The following ZNF277 variants were observed in gnomAD, a reference collection of about 807,000 sequenced individuals.
ZNF277 encodes nuclear receptor-interacting factor 4.
ZNF277 carries 55 observed loss-of-function variants against 60.7 expected under a neutral mutation model. That is an observed-to-expected ratio of 0.91 (90% CI 0.73 to 1.13). The LOEUF is 1.13. Ranked by LOEUF, ZNF277 falls within the 50% of genes most tolerant of loss-of-function variation. ZNF277 has a pLI of 0.00. For missense variants in ZNF277, 510 were observed against 523.0 expected (o/e 0.98, Z 0.24); for synonymous variants, 178 against 179.3 (o/e 0.99, Z 0.06).
chr7:112,270,686 T>C, intron 1 of ZNF277, among the ~76,000 whole-genome samples: 1 of 152,212 alleles, frequency 6.6e-6, no homozygotes, highest in East Asian at 1.9e-4. Flanking sequence ...ATAATATCTA[T>C]CACAAAATAT....
chr7:112,263,916 C>G (rs567368518), intron 1 of ZNF277, among the ~76,000 whole-genome samples: 25 of 152,096 alleles, frequency 1.6e-4, no homozygotes, highest in Non-Finnish European at 2.4e-4. Context: ...AAAGTTCAGG[C>G]CCTGCTCTTC....
At chr7:112,245,840 A>G (rs1310255569) in intron 1 of ZNF277, among the ~76,000 whole-genome samples, 1 of 152,170 alleles carries the variant, frequency 6.6e-6, no homozygotes, top group Non-Finnish European at 1.5e-5. Flanking sequence ...ATAAGGTCAT[A>G]TTCTGAATAC....
chr7:112,229,489 T>A (rs969014459), intron 1 of ZNF277, among the ~76,000 whole-genome samples: 7 of 152,228 alleles, frequency 4.6e-5, no homozygotes, highest in African/African-American at 1.4e-4. Context: ...CTGTCCAATC[T>A]GCTAAGCCCT....
intron 4 of ZNF277, among the ~76,000 whole-genome samples, chr7:112,296,940 T>A (rs1563219810): frequency 1.1e-4 from 12 of 107,672 alleles, no homozygotes; most frequent in African/African-American, 3.7e-4. Context: ...TTTTTTTTTT[T>A]TTTTTGAGAT....
intron 2 of ZNF277, among the ~76,000 whole-genome samples, chr7:112,291,773 GTGTTT>G (rs1361505900): frequency 6.6e-6 from 1 of 152,140 alleles, no homozygotes; most frequent in Non-Finnish European, 1.5e-5. Flanking sequence ...CCACTATTAT[GTGTTT>G]AATAACTAGG....
At chr7:112,208,005 G>A (rs897967287) in intron 1 of ZNF277, among the ~76,000 whole-genome samples, 5 of 152,044 alleles carry the variant, frequency 3.3e-5, no homozygotes, top group Non-Finnish European at 5.9e-5. Context: ...AGACTATTAC[G>A]GTTTCCTAGA....
At chr7:112,329,306 A>C (rs762468243) in intron 6 of ZNF277, among the ~76,000 whole-genome samples, 1 of 152,198 alleles carries the variant, frequency 6.6e-6, no homozygotes, top group Non-Finnish European at 1.5e-5. Context: ...TAGCAATTAT[A>C]ATACATGTTG....
intron 4 of ZNF277, among the ~76,000 whole-genome samples, chr7:112,303,955 A>G (rs955189612): frequency 6.6e-6 from 1 of 152,092 alleles, no homozygotes; most frequent in Non-Finnish European, 1.5e-5. Flanking sequence ...GGAGGTACTG[A>G]TATCTTTCAA....
chr7:112,264,054 G>T lies in ZNF277; in HGVS notation c.92-22819G>T, dbSNP rs188538652. Among the ~76,000 whole-genome samples the T allele has an allele frequency of 2.2e-3, 331 of 152,140 alleles. 2 individuals are homozygous for T. Among genetic ancestry groups the T allele is most frequent in the African/African-American group, 7.7e-3 (321 of 41,528 alleles). The stretch of plus-strand genomic sequence containing the variant: ...GCCTTAGAAAACAAAATGTATCTTG[G>T]CATTTCAAAGCAAAGGTTGACATTG... On this transcript the variant is annotated intron_variant, in intron 1 of 11. Transcript: ENST00000361822.
intron 4 of ZNF277, among the ~76,000 whole-genome samples, chr7:112,304,566 C>T (rs1334241780): frequency 6.6e-6 from 1 of 152,084 alleles, no homozygotes; most frequent in Non-Finnish European, 1.5e-5. Flanking sequence ...ATTAACCAAA[C>T]TTTTAATCCT....
At chr7:112,235,715 A>G (rs1347630956) in intron 1 of ZNF277, among the ~76,000 whole-genome samples, 1 of 151,782 alleles carries the variant, frequency 6.6e-6, no homozygotes, top group East Asian at 1.9e-4. Context: ...CTGTCTTTCC[A>G]TGTTCTTGAT....
chr7:112,257,778 A>AAATTTTT (rs774263182), intron 1 of ZNF277, among the ~76,000 whole-genome samples: 1 of 152,074 alleles, frequency 6.6e-6, no homozygotes, highest in Non-Finnish European at 1.5e-5. Flanking sequence ...CACAATTTTC[A>AAATTTTT]AATTTTTAAT....
At chr7:112,233,797 G>A (rs1490355457) in intron 1 of ZNF277, among the ~76,000 whole-genome samples, 1 of 152,122 alleles carries the variant, frequency 6.6e-6, no homozygotes, top group East Asian at 1.9e-4. Context: ...GAACCTAATT[G>A]AAAATTGAGA....
chr7:112,232,042 CATATATAT>C (rs67934905), intron 1 of ZNF277, among the ~76,000 whole-genome samples: 2,495 of 133,058 alleles, frequency 0.019, 24 homozygotes, highest in South Asian at 0.027. Flanking sequence ...TAAATAAATA[CATATATAT>C]ATATATATAT....
chr7:112,229,630 C>G (rs758614131), intron 1 of ZNF277, among the ~76,000 whole-genome samples: 2 of 152,130 alleles, frequency 1.3e-5, no homozygotes, highest in African/African-American at 2.4e-5. Flanking sequence ...TTGATATTCT[C>G]GAGCTCTGAG....
intron 1 of ZNF277, among the ~76,000 whole-genome samples, chr7:112,230,299 G>A (rs992820484): frequency 1.3e-4 from 20 of 152,214 alleles, no homozygotes; most frequent in Non-Finnish European, 2.4e-4. Context: ...TGTGAGAATG[G>A]ATATAGGGGC....
intron 2 of ZNF277, chr7:112,287,888 G>T (rs545161374): frequency 7.3e-6 from 1 of 136,152 alleles, no homozygotes; most frequent in African/African-American, 3.5e-5. Flanking sequence ...GTTTGAGAAT[G>T]TCACATACTA....
intron 1 of ZNF277, among the ~76,000 whole-genome samples, chr7:112,234,521 A>C (rs928467477): frequency 6.6e-6 from 1 of 152,148 alleles, no homozygotes; most frequent in Non-Finnish European, 1.5e-5. Context: ...ACATCCTACT[A>C]TCAGCACATT....
chr7:112,216,083 A>C (rs1341910435), intron 1 of ZNF277, among the ~76,000 whole-genome samples: 2 of 152,246 alleles, frequency 1.3e-5, no homozygotes, highest in Non-Finnish European at 2.9e-5. Context: ...GAAGGAAAGG[A>C]AGGTGAGAGT....
Sources: gnomAD v4.1 joint callset for allele counts (sites outside exome capture counted in the v4.1 genomes callset) on GRCh38, gnomAD v4.1.1 for gene constraint, MANE v1.5 for transcripts, NCBI Gene and HGNC (gene_info 2026-07-23, HGNC 2026-07-21) for gene names.